CBFA2T3: variants seen among roughly 807,000 people sequenced by gnomAD.
CBFA2T3 encodes CBFA2/RUNX1 partner transcriptional co-repressor 3, also known as transcriptional corepressor CBFA2T3.
Under a neutral mutation model 58.6 loss-of-function variants are expected in CBFA2T3, and 31 were observed. That is an observed-to-expected ratio of 0.53 (90% CI 0.40 to 0.71). The LOEUF (loss-of-function observed/expected upper bound fraction) is 0.71, where lower values mean the gene tolerates loss of function less well. Among genes scored for constraint, CBFA2T3 ranks in the 30% least tolerant of loss-of-function variants. The pLI is 0.00. For missense variants in CBFA2T3, 1,076 were observed against 963.1 expected, an observed-to-expected ratio of 1.12 and a Z score of -1.55; for synonymous variants, 531 against 421.9, an observed-to-expected ratio of 1.26 and a Z score of -3.17.
At chr16:88,903,486 G>T (rs917506856) in intron 1 of CBFA2T3, among the ~76,000 whole-genome samples, 4 of 152,114 alleles carry the variant, frequency 2.6e-5, no homozygotes, top group Non-Finnish European at 1.5e-5. Flanking sequence ...CGCACAGGGC[G>T]CCCTGCTCCT....
chr16:88,888,427 C>G lies in CBFA2T3; in HGVS notation c.712-2285G>C, dbSNP rs534535421. Among the ~76,000 whole-genome samples, 3 of 85,084 alleles carry G rather than the reference C, an allele frequency of 3.5e-5. No homozygotes were observed. The South Asian group carries it at 1.7e-3, about 49-fold the overall frequency. 55.8% of individuals were successfully genotyped at this position (85,084 alleles called of 152,430 possible). ...GGCCTGGGAAGGTCGGACTCCCCCA[C>G]TGCACTCTGTGTCTGAAGGGGCTGC... On this transcript the variant is annotated intron_variant, in intron 5 of 11. Transcript: ENST00000268679.
At chr16:88,877,708 C>A (rs1968892542) in intron 11 of CBFA2T3, among the ~76,000 whole-genome samples, 1 of 152,140 alleles carries the variant, frequency 6.6e-6, no homozygotes, top group African/African-American at 2.4e-5. Context: ...TGCACCCCCT[C>A]CACCTCTGCC....
Position 88,885,162 on chromosome 16 carries a change from G to A in CBFA2T3, c.1001C>T (p.Pro334Leu), listed in dbSNP as rs527263791. 7.5e-6 allele frequency: 12 copies of A among 1,602,636 alleles called. No homozygotes were observed. Among genetic ancestry groups the A allele is most frequent in the Admixed American group, 3.4e-5 (2 of 59,620 alleles). ...GTAGTGCGGCGGCGGTGTGGGCTGCGGTGGCCCGTTGCTGGGGCTGTAGCG... is the reference window on the plus strand; with the variant it reads ...GTAGTGCGGCGGCGGTGTGGGCTGCAGTGGCCCGTTGCTGGGGCTGTAGCG... ...AQRYSPSNGP[P>L]QPTPPPHYRL... Residue 334 changes from proline (P) to leucine (L), a missense_variant, in exon 7 of 12, where the codon CCG (proline) becomes CTG (leucine). Transcript: ENST00000268679. The surrounding 1 kb of genome is among the most constrained non-coding windows in gnomAD (Gnocchi z 5.3).
At chr16:88,930,541 T>C (rs930193710) in intron 1 of CBFA2T3, among the ~76,000 whole-genome samples, 1 of 151,386 alleles carries the variant, frequency 6.6e-6, no homozygotes, top group African/African-American at 2.4e-5. Flanking sequence ...TAGGCTCCAG[T>C]GCGGGGAGCC....
intron 1 of CBFA2T3, among the ~76,000 whole-genome samples, chr16:88,928,253 G>A (rs967001684): frequency 2.6e-5 from 4 of 152,236 alleles, no homozygotes; most frequent in African/African-American, 9.6e-5. Context: ...CCCGGCGTGT[G>A]GCACAGCTGT....
At chr16:88,939,335 A>T (rs1971624003) in intron 1 of CBFA2T3, 1 of 152,382 alleles carries the variant, frequency 6.6e-6, no homozygotes, top group East Asian at 1.9e-4. Context: ...CACTCATGTG[A>T]ACTTCCCTTC....
In CBFA2T3 at chr16:88,891,887, G is replaced by C; in HGVS notation, c.706C>G (p.Leu236Val). ...FPLRPFVIPFLKANLPLLQRE... is the reference protein window; with the variant it reads ...FPLRPFVIPFVKANLPLLQRE... ...GGGGACGGGTTTCGCATTACCTTCA[G>C]GAAGGGAATGACAAACGGCCGCAGA... Residue 236 changes from leucine to valine, a missense_variant, in exon 5 of 12, where the codon CTG becomes GTG. Coordinates refer to ENST00000268679, the MANE Select transcript of CBFA2T3 (RefSeq NM_005187.6). 1 of 1,609,088 alleles carries C rather than the reference G, an allele frequency of 6.2e-7. No individual in the cohort carries two copies. Among genetic ancestry groups the C allele is most frequent in the Non-Finnish European group, 8.5e-7 (1 of 1,176,240 alleles).
At position 88,958,765 on chromosome 16, in the gene CBFA2T3, C is replaced by T. The variant is rs548041678; in HGVS notation, c.151+17892G>A. Reference sequence around the variant, plus strand: ...CAGGGCTGGGGCCTCAGGGCCTCAGCGTAGCCCAGGTCTGCGCTGGCTCTG... The same window carrying T: ...CAGGGCTGGGGCCTCAGGGCCTCAGTGTAGCCCAGGTCTGCGCTGGCTCTG... On this transcript the variant is annotated intron_variant, in intron 1 of 11. Coordinates refer to ENST00000268679, the MANE Select transcript of CBFA2T3 (RefSeq NM_005187.6). This position sits in a 1 kb window ranked among gnomAD's most constrained non-coding sequence, Gnocchi z 4.0. 2.0e-5 allele frequency among the ~76,000 whole-genome samples: 3 copies of T among 152,058 alleles called. No individual in the cohort carries two copies. Among genetic ancestry groups the T allele is most frequent in the Admixed American group, 2.0e-4 (3 of 15,284 alleles).
At chr16:88,888,017 C>T (rs1201209818) in intron 5 of CBFA2T3, among the ~76,000 whole-genome samples, 1 of 152,186 alleles carries the variant, frequency 6.6e-6, no homozygotes, top group Non-Finnish European at 1.5e-5. Flanking sequence ...GGTCATTTAA[C>T]CTCTCTGACC....
chr16:88,890,869 A>C (rs955238009), intron 5 of CBFA2T3, among the ~76,000 whole-genome samples: 1 of 152,126 alleles, frequency 6.6e-6, no homozygotes. Flanking sequence ...GGTGCATACA[A>C]CGCTCAGCTA....
intron 1 of CBFA2T3, among the ~76,000 whole-genome samples, chr16:88,972,877 C>G (rs1186199989): frequency 6.6e-6 from 1 of 152,208 alleles, no homozygotes; most frequent in African/African-American, 2.4e-5. Flanking sequence ...TGGCACTTTG[C>G]TCACAGACAC....
rs539905867 is a variant in CBFA2T3 at position 88,928,979 on chromosome 16, G to A, written c.152-27323C>T. 5.1e-3 allele frequency among the ~76,000 whole-genome samples: 783 copies of A among 152,328 alleles called. 6 individuals carry two copies. The highest frequency in any genetic ancestry group is 0.018 in the African/African-American group (736 of 41,562). ...GGAGCAGAGTGGGTGGTGGAAGGGA[G>A]GGGAGTTTGTGTGGTCTTGGAGGCC... On this transcript the variant is annotated intron_variant, in intron 1 of 11. Transcript: ENST00000268679.
intron 1 of CBFA2T3, among the ~76,000 whole-genome samples, chr16:88,910,241 G>A (rs2142696405): frequency 6.6e-6 from 1 of 152,294 alleles, no homozygotes; most frequent in East Asian, 1.9e-4. Context: ...TCACACCTTT[G>A]CTGCAGGCTG....
chr16:88,919,231 C>T (rs1037401058), intron 1 of CBFA2T3, among the ~76,000 whole-genome samples: 7 of 152,104 alleles, frequency 4.6e-5, no homozygotes, highest in African/African-American at 1.7e-4. Flanking sequence ...GGGACAAATA[C>T]AGAATGTGAG....
At chr16:88,892,195 G>A (rs779241174) in intron 4 of CBFA2T3, 49 bp downstream of exon 4, 14 of 1,575,082 alleles carry the variant, frequency 8.9e-6, no homozygotes, top group African/African-American at 1.3e-5. Flanking sequence ...CTCATTAAAC[G>A]GAGGGAATAT....
rs150854091 is a variant in CBFA2T3, at chr16:88,962,376, G to A, written c.151+14281C>T. 2.2e-3 allele frequency among the ~76,000 whole-genome samples: 341 copies of A among 152,334 alleles called. 12 individuals carry two copies. In the East Asian group the frequency reaches 0.059, roughly 26 times the overall value. On this transcript the variant is annotated intron_variant, in intron 1 of 11. Coordinates refer to ENST00000268679, the MANE Select transcript of CBFA2T3 (RefSeq NM_005187.6). ...TTATTTTCCACAAATAACATGAGAC[G>A]CCATGAACCAGCCTCGAAGGTGAAT...
chr16:88,936,737 C>T (rs1971514383), intron 1 of CBFA2T3: 1 of 152,462 alleles, frequency 6.6e-6, no homozygotes, highest in Non-Finnish European at 1.5e-5. Flanking sequence ...CCAGTGACAT[C>T]TGGCTCTCAG....
At chr16:88,915,085 G>A (rs550023630) in intron 1 of CBFA2T3, among the ~76,000 whole-genome samples, 1 of 151,466 alleles carries the variant, frequency 6.6e-6, no homozygotes, top group South Asian at 2.1e-4. Context: ...GGGGGTAGCG[G>A]GTCCCTTCTC....
chr16:88,881,606 C>T (rs780548645), intron 8 of CBFA2T3, 117 bp from the exon 9 acceptor site: 16 of 1,055,776 alleles, frequency 1.5e-5, no homozygotes, highest in Non-Finnish European at 2.0e-5. Context: ...GCCCACCGCC[C>T]GTGAGAGTAA....
Sources: allele counts gnomAD v4.1 joint callset (sites outside exome capture counted in the v4.1 genomes callset), GRCh38; gene constraint gnomAD v4.1.1; non-coding constraint Gnocchi (gnomAD v3.1); transcripts MANE v1.5; gene names NCBI Gene and HGNC (gene_info 2026-07-23, HGNC 2026-07-21).